Variants in ANKHD1 observed in about 807,000 individuals in gnomAD.
ANKHD1 encodes the protein ankyrin repeat and KH domain containing 1, also known as ankyrin repeat and KH domain-containing protein 1.
ANKHD1 carries 31 observed loss-of-function variants against 230.5 expected under a neutral mutation model. That is an observed-to-expected ratio of 0.13 (90% CI 0.10 to 0.18). The LOEUF (loss-of-function observed/expected upper bound fraction) is 0.18. ANKHD1 is among the 10% of genes least tolerant of loss of function. The probability of loss-of-function intolerance (pLI) is 1.00; values close to 1 mark genes in which losing one functional copy is unlikely to be tolerated. For synonymous variants in ANKHD1, 1,074 were observed against 1,117.6 expected (o/e 0.96, Z 0.78); for missense variants, 2,256 against 3,071.3 (o/e 0.73, Z 6.27).
intron 15 of ANKHD1, among the ~76,000 whole-genome samples, chr5:140,503,853 G>A (rs1336071499): frequency 6.6e-6 from 1 of 151,846 alleles, no homozygotes; most frequent in Admixed American, 6.6e-5. Context: ...CAGGATTATA[G>A]GCGTGAGCCA....
At chr5:140,487,493 A>C (rs776324438) in intron 14 of ANKHD1, among the ~76,000 whole-genome samples, 9 of 152,222 alleles carry the variant, frequency 5.9e-5, no homozygotes, top group Admixed American at 1.3e-4. Flanking sequence ...ATTCAGTTGC[A>C]TTTATGCAAT....
Position 140,538,119 on chromosome 5 carries a change from G to A in ANKHD1, c.7262G>A (p.Gly2421Glu). 1 of 1,613,334 alleles carries A rather than the reference G, an allele frequency of 6.2e-7. No individual in the cohort carries two copies. The highest frequency in any genetic ancestry group is 8.5e-7 in the Non-Finnish European group (1 of 1,179,692). ...GLSGWSQSVM[G>E]NHPMHQQLSD... ...TCAGGTTGGTCGCAATCTGTGATGGGGAACCATCCAATGCATCAACAATTA... is the reference window on the plus strand; with the variant it reads ...TCAGGTTGGTCGCAATCTGTGATGGAGAACCATCCAATGCATCAACAATTA... The change falls in exon 32 of 34, where the codon GGG (glycine) becomes GAG (glutamate). Residue 2421 changes from glycine (G) to glutamate (E), a missense_variant. Physicochemically the swap from Gly to Glu is moderately conservative, Grantham distance 98. This residue lies in a region of ANKHD1 where 778 missense variants were observed against 966.5 expected (regional missense o/e 0.80). Coordinates refer to ENST00000360839, the MANE Select transcript of ANKHD1 (RefSeq NM_017747.3).
chr5:140,459,806 A>G (rs547612746), intron 9 of ANKHD1, among the ~76,000 whole-genome samples: 1 of 152,274 alleles, frequency 6.6e-6, no homozygotes, highest in Admixed American at 6.5e-5. Flanking sequence ...TACTGTTTAG[A>G]AAAAGACTTA....
rs776070709 is a variant in ANKHD1, at chr5:140,445,935, T to C, written c.1107T>C (p.Asn369=). Residue 369 remains asparagine, a synonymous_variant, in exon 6 of 34, where the codon AAT becomes AAC. Coordinates refer to ENST00000360839, the MANE Select transcript of ANKHD1 (RefSeq NM_017747.3). ...DHGAGINTHS[N]EFKESALTLA... ...GTGCAGGCATCAACACTCATTCTAATGAATTCAAAGAAAGTGCTCTAACAC... is the reference window on the plus strand; with the variant it reads ...GTGCAGGCATCAACACTCATTCTAACGAATTCAAAGAAAGTGCTCTAACAC... 9 of 1,609,600 alleles carry C rather than the reference T, an allele frequency of 5.6e-6. No individual in the cohort carries two copies. In the South Asian group the frequency reaches 8.9e-5, roughly 16 times the overall value.
intron 1 of ANKHD1, among the ~76,000 whole-genome samples, chr5:140,405,175 T>G (rs1031724300): frequency 1.5e-4 from 23 of 152,182 alleles, no homozygotes; most frequent in African/African-American, 5.5e-4. Context: ...TTCTCCTGTT[T>G]ACTTATGTTT....
chr5:140,460,830 A>G (rs1204832756), intron 9 of ANKHD1, among the ~76,000 whole-genome samples: 1 of 152,098 alleles, frequency 6.6e-6, no homozygotes, highest in Middle Eastern at 3.2e-3. Flanking sequence ...CTTAAACCAG[A>G]TTGTGAATGG....
At chr5:140,416,164 C>G (rs1771371187) in intron 1 of ANKHD1, among the ~76,000 whole-genome samples, 1 of 152,210 alleles carries the variant, frequency 6.6e-6, no homozygotes, top group African/African-American at 2.4e-5. Context: ...GCATGTGGTA[C>G]ATTTTCTTAA....
intron 15 of ANKHD1, among the ~76,000 whole-genome samples, chr5:140,500,636 G>T: frequency 8.6e-6 from 1 of 115,928 alleles, no homozygotes; most frequent in African/African-American, 3.3e-5. Flanking sequence ...GCAACAGAGC[G>T]AGACTCTGTC....
At chr5:140,471,966 A>T (rs1271395178) in intron 10 of ANKHD1, among the ~76,000 whole-genome samples, 2 of 152,146 alleles carry the variant, frequency 1.3e-5, no homozygotes, top group East Asian at 3.8e-4. Flanking sequence ...TTTTGAGACA[A>T]AGGCATGAAT....
At chr5:140,486,731 A>G (rs111244073) in intron 13 of ANKHD1, 95 of 332,438 alleles carry the variant, frequency 2.9e-4, no homozygotes, top group Non-Finnish European at 4.1e-4. Flanking sequence ...GAGTAATGTT[A>G]TTTCCATTTA....
intron 1 of ANKHD1, among the ~76,000 whole-genome samples, chr5:140,409,510 C>A (rs1422516622): frequency 6.6e-6 from 1 of 150,718 alleles, no homozygotes; most frequent in East Asian, 1.9e-4. Flanking sequence ...TTTGGAAATG[C>A]TTATTGAATA....
chr5:140,411,636 C>T (rs1346011712), intron 1 of ANKHD1, among the ~76,000 whole-genome samples: 1 of 151,206 alleles, frequency 6.6e-6, no homozygotes, highest in Non-Finnish European at 1.5e-5. Context: ...TCTCCTGCCT[C>T]AGCCTCCTGA....
chr5:140,494,689 T>G (rs1481816030), intron 14 of ANKHD1, among the ~76,000 whole-genome samples: 1 of 152,192 alleles, frequency 6.6e-6, no homozygotes, highest in Non-Finnish European at 1.5e-5. Flanking sequence ...TTTTCTTCAG[T>G]AGTTTTGTCA....
intron 1 of ANKHD1, among the ~76,000 whole-genome samples, chr5:140,429,844 G>C (rs1009898477): frequency 1.3e-5 from 2 of 152,156 alleles, no homozygotes; most frequent in Non-Finnish European, 2.9e-5. Context: ...CATAGAAACT[G>C]TTTTAATGTG....
At chr5:140,509,885 CAT>C in intron 21 of ANKHD1, 73 bp downstream of exon 21, 1 of 1,551,532 alleles carries the variant, frequency 6.4e-7, no homozygotes. Context: ...AAGTTAATAA[CAT>C]TGTTTTACTT....
Position 140,529,170 on chromosome 5 carries a change from G to A in ANKHD1, c.6224G>A (p.Ser2075Asn). 1 of 1,614,200 alleles carries A rather than the reference G, an allele frequency of 6.2e-7. No homozygotes were observed. The highest frequency in any genetic ancestry group is 8.5e-7 in the Non-Finnish European group (1 of 1,180,050). ...HPSSSPTPTS[S>N]NTQEEAQPSS... The stretch of plus-strand genomic sequence containing the variant: ...TCCAGTAGTCCCACTCCTACTTCCA[G>A]TAACACACAAGAGGAGGCACAGCCA... The change falls in exon 29 of 34, where the codon AGT becomes AAT. Residue 2075 changes from serine (S) to asparagine (N), a missense_variant. This residue lies in a region of ANKHD1 where 778 missense variants were observed against 966.5 expected (regional missense o/e 0.80). Transcript: ENST00000360839.
rs566865245 is a variant in ANKHD1, at chr5:140,427,920, G to A, written c.307-8184G>A. On this transcript the variant is annotated intron_variant, in intron 1 of 33. Coordinates refer to ENST00000360839, the MANE Select transcript of ANKHD1 (RefSeq NM_017747.3). ...TGGAGGGGCTCCTCACTTCTCAGACGGGGCGGTTGCCAGGCAGAGGGTCTC... is the reference window on the plus strand; with the variant it reads ...TGGAGGGGCTCCTCACTTCTCAGACAGGGCGGTTGCCAGGCAGAGGGTCTC... Among the ~76,000 whole-genome samples, 67 of 150,892 alleles carry A rather than the reference G, an allele frequency of 4.4e-4. No homozygotes were observed. The East Asian group carries it at 0.011, about 26-fold the overall frequency.
At position 140,402,026 on chromosome 5, in the gene ANKHD1, C is replaced by T. The variant is rs748402728; in HGVS notation, c.59C>T (p.Ala20Val). Residue 20 changes from alanine to valine, a missense_variant, in exon 1 of 34, where the codon GCT becomes GTT. Ala to Val is a moderately conservative substitution (Grantham distance 64). Coordinates refer to ENST00000360839, the MANE Select transcript of ANKHD1 (RefSeq NM_017747.3). ...TSFEEDLDSV[A>V]PRSAPAGASE... Reference sequence around the variant, plus strand: ...TTTGAGGAGGACCTGGACTCTGTGGCTCCGCGATCCGCCCCAGCTGGGGCC... The same window carrying T: ...TTTGAGGAGGACCTGGACTCTGTGGTTCCGCGATCCGCCCCAGCTGGGGCC... The T allele has an allele frequency of 1.3e-6, 2 of 1,505,842 alleles. No individual in the cohort carries two copies. Among genetic ancestry groups the T allele is most frequent in the Non-Finnish European group, 1.8e-6 (2 of 1,133,310 alleles). The allele number at this position is 1,505,842 out of a possible 1,614,324, so 93.3% of individuals were successfully genotyped here. A position where few individuals can be genotyped will look rare whatever the true frequency, so the allele number is the denominator to read the frequency against.
At chr5:140,467,107 A>C (rs149725442) in intron 10 of ANKHD1, among the ~76,000 whole-genome samples, 1 of 152,128 alleles carries the variant, frequency 6.6e-6, no homozygotes, top group African/African-American at 2.4e-5. Context: ...TTTTTTCACT[A>C]TGTGTTCTTG....
Sources: gnomAD v4.1 joint callset for allele counts (sites outside exome capture counted in the v4.1 genomes callset) on GRCh38, gnomAD v4.1.1 for gene constraint, gnomAD v4.1.1 regional missense constraint, MANE v1.5 for transcripts, NCBI Gene and HGNC (gene_info 2026-07-23, HGNC 2026-07-21) for gene names.